UGT1A10: variants seen among roughly 807,000 people sequenced by gnomAD.
The protein encoded by UGT1A10 is UDP-glucuronosyltransferase 1A10.
UGT1A10 carries 49 observed loss-of-function variants against 45.8 expected under a neutral mutation model. The observed-to-expected ratio is 1.07, with a 90% CI of 0.85 to 1.36. The LOEUF (loss-of-function observed/expected upper bound fraction) is 1.36, where lower values mean the gene tolerates loss of function less well. Among genes scored for constraint, UGT1A10 ranks in the 40% most tolerant of loss-of-function variants. The probability of loss-of-function intolerance (pLI) is 0.00; values close to 1 mark genes in which losing one functional copy is unlikely to be tolerated. For synonymous variants in UGT1A10, 284 were observed against 249.7 expected (o/e 1.14, Z -1.29); for missense variants, 745 against 668.6 (o/e 1.11, Z -1.26).
At chr2:233,693,451 A>G (rs1260557973) in intron 1 of UGT1A10, 1 of 1,614,126 alleles carries the variant, frequency 6.2e-7, no homozygotes, top group Non-Finnish European at 8.5e-7. Context: ...CTCTTTTCAC[A>G]GACCCAGCCT....
intron 1 of UGT1A10, among the ~76,000 whole-genome samples, chr2:233,704,855 C>A (rs1453613831): frequency 6.6e-6 from 1 of 152,046 alleles, no homozygotes; most frequent in African/African-American, 2.4e-5. Flanking sequence ...AGAATAGGGC[C>A]GGGCACGGTG....
At chr2:233,707,539 T>G (rs1401176001) in intron 1 of UGT1A10, among the ~76,000 whole-genome samples, 11 of 137,828 alleles carry the variant, frequency 8.0e-5, no homozygotes, top group Non-Finnish European at 1.6e-5. Context: ...TTGTCTTGCC[T>G]TTTTTTTTTT....
chr2:233,668,086 A>C (rs894705785), intron 1 of UGT1A10, among the ~76,000 whole-genome samples: 1 of 151,886 alleles, frequency 6.6e-6, no homozygotes, highest in Non-Finnish European at 1.5e-5. Flanking sequence ...TTTAAGTTCT[A>C]GGGTACATGT....
At position 233,769,700 on chromosome 2, in the gene UGT1A10, T is replaced by A; in HGVS notation, c.1295+1261T>A. The A allele has an allele frequency of 3.3e-6, 5 of 1,527,942 alleles. No homozygotes were observed. The highest frequency in any genetic ancestry group is 4.4e-6 in the Non-Finnish European group (5 of 1,136,410). 94.6% of individuals were successfully genotyped at this position (1,527,942 alleles called of 1,614,324 possible). On this transcript the variant is annotated intron_variant, in intron 4 of 4. Transcript: ENST00000344644. This position sits in a 1 kb window ranked among gnomAD's most constrained non-coding sequence, Gnocchi z 4.4. Reference sequence around the variant, plus strand: ...GTGTGTGGTGGCACTGGATAAAAGATCAATGTTGGCTAGGCACCATGGCAC... The same window carrying A: ...GTGTGTGGTGGCACTGGATAAAAGAACAATGTTGGCTAGGCACCATGGCAC...
Position 233,769,714 on chromosome 2 carries a change from G to C in UGT1A10, c.1295+1275G>C. On this transcript the variant is annotated intron_variant, in intron 4 of 4. Coordinates refer to ENST00000344644, the MANE Select transcript of UGT1A10 (RefSeq NM_019075.4). This position sits in a 1 kb window ranked among gnomAD's most constrained non-coding sequence, Gnocchi z 4.4. ...TGGATAAAAGATCAATGTTGGCTAG[G>C]CACCATGGCACACGCCTGTAGTCCC... 6.7e-7 allele frequency: 1 copy of C among 1,497,244 alleles called. No homozygotes were observed. Among genetic ancestry groups the C allele is most frequent in the Non-Finnish European group, 8.9e-7 (1 of 1,121,796 alleles). The allele number at this position is 1,497,244 out of a possible 1,614,324, so 92.7% of individuals were successfully genotyped here. A position where few individuals can be genotyped will look rare whatever the true frequency, so the allele number is the denominator to read the frequency against.
At chr2:233,721,428 G>A (rs2076944672) in intron 1 of UGT1A10, 1 of 157,010 alleles carries the variant, frequency 6.4e-6, no homozygotes, top group South Asian at 1.9e-4. Flanking sequence ...TAAGCATTGT[G>A]GTTTTAATGT....
intron 1 of UGT1A10, chr2:233,648,324 C>T: frequency 1.9e-6 from 1 of 518,172 alleles, no homozygotes; most frequent in Non-Finnish European, 3.6e-6. Flanking sequence ...TCTCCCTCCT[C>T]TCGGTGGTCT....
At chr2:233,752,691 A>G (rs1290582885) in intron 1 of UGT1A10, 2 of 152,214 alleles carry the variant, frequency 1.3e-5, no homozygotes, top group Non-Finnish European at 2.9e-5. Context: ...ATTCATGTTT[A>G]CTAGTGGGGT....
intron 1 of UGT1A10, among the ~76,000 whole-genome samples, chr2:233,726,980 A>G (rs1337493620): frequency 1.3e-5 from 2 of 152,116 alleles, no homozygotes; most frequent in Non-Finnish European, 2.9e-5. Context: ...TTAGATTTTG[A>G]TGAGGTTCTT....
intron 1 of UGT1A10, chr2:233,708,404 A>G (rs984194776): frequency 2.6e-4 from 39 of 152,096 alleles, no homozygotes; most frequent in African/African-American, 9.4e-4. Context: ...ACTTTCATCA[A>G]GTTGTTTCAC....
chr2:233,704,379 G>A (rs1421348597), intron 1 of UGT1A10, among the ~76,000 whole-genome samples: 2 of 150,778 alleles, frequency 1.3e-5, no homozygotes, highest in South Asian at 2.1e-4. Context: ...TTAGCACATC[G>A]ATTTTAACTT....
chr2:233,723,429 C>T (rs1350384184), intron 1 of UGT1A10, among the ~76,000 whole-genome samples: 7 of 134,596 alleles, frequency 5.2e-5, no homozygotes, highest in African/African-American at 1.5e-4. Context: ...AGGCTGGTCT[C>T]GAACTCCTGA....
chr2:233,695,475 G>C (rs1417810733), intron 1 of UGT1A10, among the ~76,000 whole-genome samples: 1 of 151,104 alleles, frequency 6.6e-6, no homozygotes, highest in Non-Finnish European at 1.5e-5. Flanking sequence ...CCCTTTAGAT[G>C]TTTTTCTCTT....
intron 1 of UGT1A10, chr2:233,691,535 G>T: frequency 1.0e-6 from 1 of 985,674 alleles, no homozygotes; most frequent in Non-Finnish European, 1.2e-6. Context: ...CTAGCTCTGG[G>T]CAAGTCTGTT....
chr2:233,648,035 G>A (rs1429069514), intron 1 of UGT1A10: 2 of 1,594,736 alleles, frequency 1.3e-6, no homozygotes, highest in Non-Finnish European at 1.7e-6. Context: ...TGGCAACTGG[G>A]AAGATCACTG....
chr2:233,693,920 C>T (rs2075188666), intron 1 of UGT1A10: 2 of 1,611,066 alleles, frequency 1.2e-6, no homozygotes, highest in Admixed American at 3.3e-5. Flanking sequence ...TCTGTCCTCC[C>T]TCACTCATTT....
chr2:233,720,019 G>T (rs540203341), intron 1 of UGT1A10, among the ~76,000 whole-genome samples: 6 of 152,260 alleles, frequency 3.9e-5, no homozygotes, highest in African/African-American at 1.4e-4. Flanking sequence ...TCCATCCTGG[G>T]GTTTTTGCTT....
In UGT1A10 at chr2:233,772,828, C is replaced by A; in HGVS notation, c.*269C>A. ...TTCAGAGGACGTGCAGACAGGCTGG[C>A]ATTCTAGATTACTTTTCTTACTCTG... is the stretch of plus-strand genomic sequence containing the variant. On this transcript the variant is annotated 3_prime_UTR_variant, in exon 5 of 5. Transcript: ENST00000344644. 1.1e-6 allele frequency: 1 copy of A among 921,124 alleles called. No individual in the cohort carries two copies. The highest frequency in any genetic ancestry group is 1.5e-6 in the Non-Finnish European group (1 of 663,786). The allele number at this position is 921,124 out of a possible 1,614,324, so 57.1% of individuals were successfully genotyped here. A position where few individuals can be genotyped will look rare whatever the true frequency, so the allele number is the denominator to read the frequency against.
intron 1 of UGT1A10, among the ~76,000 whole-genome samples, chr2:233,715,415 T>A (rs2076450298): frequency 6.6e-6 from 1 of 152,186 alleles, no homozygotes; most frequent in Non-Finnish European, 1.5e-5. Context: ...TAAAATACAT[T>A]TTATCTGATA....
Sources: gnomAD v4.1 joint callset for allele counts (sites outside exome capture counted in the v4.1 genomes callset) on GRCh38, gnomAD v4.1.1 for gene constraint, Gnocchi (gnomAD v3.1) non-coding constraint, MANE v1.5 for transcripts, NCBI Gene and HGNC (gene_info 2026-07-23, HGNC 2026-07-21) for gene names.